The following ZDBF2 variants were observed in gnomAD, a reference collection of about 807,000 sequenced individuals.
The protein encoded by ZDBF2 is DBF4-type zinc finger-containing protein 2.
In ZDBF2, 6 loss-of-function variants were observed where a neutral mutation model predicts 9.4. The observed-to-expected ratio is 0.64, with a 90% confidence interval of 0.35 to 1.27. The LOEUF (loss-of-function observed/expected upper bound fraction) is 1.27, where lower values mean the gene tolerates loss of function less well. Among genes scored for constraint, ZDBF2 ranks in the 50% most tolerant of loss-of-function variants. The pLI is 0.03. For synonymous variants in ZDBF2, 905 were observed against 946.3 expected, an observed-to-expected ratio of 0.96 and a Z score of 0.80; for missense variants, 2,697 against 2,766.8, an observed-to-expected ratio of 0.97 and a Z score of 0.57.
chr2:206,306,065 G>T lies in ZDBF2; in HGVS notation c.1537G>T (p.Val513Leu). Residue 513 changes from valine to leucine, a missense_variant, in exon 5 of 5, where the codon GTA becomes TTA. Val to Leu is a conservative substitution (Grantham distance 32). Transcript: ENST00000374423. ...QSTSDYPQQS[V>L]TEVNLPKEVH... ...CACTAGTGACTACCCCCAACAATCT[G>T]TAACAGAAGTAAACCTTCCTAAGGA... 2 of 1,613,768 alleles carry T rather than the reference G, an allele frequency of 1.2e-6. No homozygotes were observed. The highest frequency in any genetic ancestry group is 2.2e-5 in the South Asian group (2 of 91,066).
chr2:206,308,604 G>A lies in ZDBF2; in HGVS notation c.4076G>A (p.Ser1359Asn), dbSNP rs754989430. 3 of 1,613,168 alleles carry A rather than the reference G, an allele frequency of 1.9e-6. No individual in the cohort carries two copies. The African/African-American group carries it at 4.0e-5, about 22-fold the overall frequency. Residue 1359 changes from serine to asparagine, a missense_variant, in exon 5 of 5, where the codon AGT becomes AAT. Ser to Asn is a conservative substitution (Grantham distance 46). This residue lies in a region of ZDBF2 where 1,783 missense variants were observed against 1,776.5 expected (regional missense o/e 1.00). Coordinates refer to ENST00000374423, the MANE Select transcript of ZDBF2 (RefSeq NM_020923.3). Reference protein sequence around the residue: ...EEHASLEDKSSNSYSPEESSD... With the variant: ...EEHASLEDKSNNSYSPEESSD... ...CATGCCAGTCTGGAAGATAAGAGCA[G>A]TAATTCTTATAGTCCTGAAGAAAGT...
In ZDBF2 at chr2:206,308,481, A is replaced by G; in HGVS notation, c.3953A>G (p.Asp1318Gly). The change falls in exon 5 of 5, where the codon GAT becomes GGT. Residue 1318 changes from aspartate (D) to glycine (G), a missense_variant. Around this residue, in one of 3 missense-constraint regions of ZDBF2, gnomAD observed 1,783 missense variants for 1,776.5 expected, o/e 1.00. Coordinates refer to ENST00000374423, the MANE Select transcript of ZDBF2 (RefSeq NM_020923.3). The part of the protein sequence containing the change: ...NLLREEHVCL[D>G]DKGYVPSDSE... ...TTGAGGGAGGAACATGTTTGTCTGG[A>G]TGATAAGGGCTATGTGCCCAGTGAT... 6.2e-7 allele frequency: 1 copy of G among 1,613,644 alleles called. No homozygotes were observed. The highest frequency in any genetic ancestry group is 8.5e-7 in the Non-Finnish European group (1 of 1,179,804).
intron 3 of ZDBF2, among the ~76,000 whole-genome samples, chr2:206,284,751 T>A (rs1012284435): frequency 8.5e-5 from 13 of 152,182 alleles, no homozygotes; most frequent in Non-Finnish European, 1.6e-4. Flanking sequence ...GTGTGTGAGA[T>A]GGAGTCTTGC....
chr2:206,279,376 C>T (rs2105894834), intron 1 of ZDBF2, among the ~76,000 whole-genome samples, 164 bp from the exon 2 acceptor site: 1 of 152,260 alleles, frequency 6.6e-6, no homozygotes, highest in Middle Eastern at 3.4e-3. Context: ...GTGTGAGATT[C>T]AGTGAGTCAT....
At chr2:206,301,988 G>A (rs1692529074) in intron 4 of ZDBF2, among the ~76,000 whole-genome samples, 1 of 150,762 alleles carries the variant, frequency 6.6e-6, no homozygotes, top group African/African-American at 2.4e-5. Context: ...TAGCTCAAGA[G>A]TTTTTCTTTT....
chr2:206,277,474 A>AT (rs1691079036), intron 1 of ZDBF2, among the ~76,000 whole-genome samples: 1 of 152,072 alleles, frequency 6.6e-6, no homozygotes, highest in African/African-American at 2.4e-5. Flanking sequence ...GAACATAGTC[A>AT]TTTTTTAAAA....
chr2:206,299,846 G>T (rs1469249095), intron 4 of ZDBF2, among the ~76,000 whole-genome samples: 1 of 151,384 alleles, frequency 6.6e-6, no homozygotes, highest in African/African-American at 2.4e-5. Context: ...AGTGGCTCAC[G>T]CCTGTAATCC....
At chr2:206,276,567 C>G (rs972387151) in intron 1 of ZDBF2, among the ~76,000 whole-genome samples, 12 of 152,136 alleles carry the variant, frequency 7.9e-5, no homozygotes, top group African/African-American at 2.7e-4. Flanking sequence ...CCTAAAAATA[C>G]AGAGAGGAAG....
At position 206,307,181 on chromosome 2, in the gene ZDBF2, A is replaced by G; in HGVS notation, c.2653A>G (p.Asn885Asp). 1 of 1,613,336 alleles carries G rather than the reference A, an allele frequency of 6.2e-7. No homozygotes were observed. The stretch of plus-strand genomic sequence containing the variant: ...CCATGCCCCTCTTCATTCAGTGACT[A>G]ATTCTCCCGAAGTAGCTGTTAAAAA... ...DSHAPLHSVT[N>D]SPEVAVKKLN... Residue 885 changes from asparagine (N) to aspartate (D), a missense_variant, in exon 5 of 5, where the codon AAT (asparagine) becomes GAT (aspartate). Coordinates refer to ENST00000374423, the MANE Select transcript of ZDBF2 (RefSeq NM_020923.3).
At position 206,311,514 on chromosome 2, in the gene ZDBF2, G is replaced by T; in HGVS notation, c.6986G>T (p.Arg2329Ile). ...ACACCTGTGAGAGCATATGATCTGAGAAGCTCATCTTGTTTACAACAACGT... is the reference window on the plus strand; with the variant it reads ...ACACCTGTGAGAGCATATGATCTGATAAGCTCATCTTGTTTACAACAACGT... ...PSTPVRAYDL[R>I]SSSCLQQRER... The change falls in exon 5 of 5, where the codon AGA becomes ATA. Residue 2329 changes from arginine (R) to isoleucine (I), a missense_variant. Physicochemically the swap from Arg to Ile is moderately conservative, Grantham distance 97. Around this residue, in one of 3 missense-constraint regions of ZDBF2, gnomAD observed 1,783 missense variants for 1,776.5 expected, o/e 1.00. Coordinates refer to ENST00000374423, the MANE Select transcript of ZDBF2 (RefSeq NM_020923.3). The T allele has an allele frequency of 1.3e-6, 2 of 1,580,102 alleles. No individual in the cohort carries two copies. The highest frequency in any genetic ancestry group is 1.7e-6 in the Non-Finnish European group (2 of 1,167,464).
chr2:206,305,779 G>T lies in ZDBF2; in HGVS notation c.1251G>T (p.Leu417=). Residue 417 remains leucine (L), a synonymous_variant, in exon 5 of 5, where the codon CTG becomes CTT. Coordinates refer to ENST00000374423, the MANE Select transcript of ZDBF2 (RefSeq NM_020923.3). ...SFDCSSSFHS[L]TDQSKVSAKE... is the part of the protein sequence containing the mutation. Reference sequence around the variant, plus strand: ...ATTGCAGTTCCTCTTTTCATTCACTGACTGACCAATCTAAAGTGAGTGCCA... The same window carrying T: ...ATTGCAGTTCCTCTTTTCATTCACTTACTGACCAATCTAAAGTGAGTGCCA... 6.2e-7 allele frequency: 1 copy of T among 1,613,680 alleles called. No individual in the cohort carries two copies. The highest frequency in any genetic ancestry group is 8.5e-7 in the Non-Finnish European group (1 of 1,179,810).
At position 206,305,254 on chromosome 2, in the gene ZDBF2, C is replaced by G. The variant is rs781570927; in HGVS notation, c.726C>G (p.Ser242=). ...DGASRNPVPS[S]HVETTSFSYQ... is the part of the protein sequence containing the mutation. ...CCTCTAGAAATCCTGTGCCATCATC[C>G]CATGTAGAAACTACTTCATTTTCGT... Residue 242 remains serine, a synonymous_variant, in exon 5 of 5, where the codon TCC becomes TCG. Coordinates refer to ENST00000374423, the MANE Select transcript of ZDBF2 (RefSeq NM_020923.3). 4.3e-6 allele frequency: 7 copies of G among 1,613,496 alleles called. No homozygotes were observed. The highest frequency in any genetic ancestry group is 2.2e-5 in the South Asian group (2 of 91,036).
chr2:206,281,433 G>A (rs1360919257), intron 2 of ZDBF2, among the ~76,000 whole-genome samples: 1 of 152,004 alleles, frequency 6.6e-6, no homozygotes, highest in Non-Finnish European at 1.5e-5. Context: ...AACATGATGG[G>A]GAAATTAATG....
intron 4 of ZDBF2, among the ~76,000 whole-genome samples, chr2:206,298,438 A>G (rs1692315530): frequency 6.6e-6 from 1 of 152,266 alleles, no homozygotes; most frequent in African/African-American, 2.4e-5. Context: ...GGGAAAAGTT[A>G]GAGGAAAACA....
rs1693153426 is a variant in ZDBF2 at position 206,311,058 on chromosome 2, A to G, written c.6530A>G (p.His2177Arg). ...GAAAGTCAAAGTAAAAAGAAAATTC[A>G]TGGAAAGAGGGTGACAACTAGTAGT... Reference protein sequence around the residue: ...LLESQSKKKIHGKRVTTSSNK... With the variant: ...LLESQSKKKIRGKRVTTSSNK... The change falls in exon 5 of 5, where the codon CAT becomes CGT. Residue 2177 changes from histidine (H) to arginine (R), a missense_variant. Transcript: ENST00000374423. 4 of 1,610,576 alleles carry G rather than the reference A, an allele frequency of 2.5e-6. No individual in the cohort carries two copies. Among genetic ancestry groups the G allele is most frequent in the African/African-American group, 2.7e-5 (2 of 74,694 alleles).
rs58488107 is a variant in ZDBF2 at position 206,305,473 on chromosome 2, G to T, written c.945G>T (p.Met315Ile). The T allele has an allele frequency of 2.1e-3, 3,331 of 1,612,936 alleles. 59 individuals are homozygous for T. The African/African-American group carries it at 0.039, about 19-fold the overall frequency. The change falls in exon 5 of 5, where the codon ATG (methionine) becomes ATT (isoleucine). Residue 315 changes from methionine to isoleucine, a missense_variant. Transcript: ENST00000374423. ...CAGTAAACCCGAATAAAACTGACAT[G>T]CCTTCTAATAAAGGAATCTTTGAAG... ...KLAVNPNKTD[M>I]PSNKGIFEDT...
chr2:206,281,929 A>G lies in ZDBF2; in HGVS notation c.60+20A>G. On this transcript the variant is annotated intron_variant, in intron 3 of 4. Coordinates refer to ENST00000374423, the MANE Select transcript of ZDBF2 (RefSeq NM_020923.3). ...GAACAGGTGAGCGGTTTCTATTAATATGATAATATCTCAAAGGACCTAGTT... is the reference window on the plus strand; with the variant it reads ...GAACAGGTGAGCGGTTTCTATTAATGTGATAATATCTCAAAGGACCTAGTT... The G allele has an allele frequency of 6.2e-7, 1 of 1,603,938 alleles. No individual in the cohort carries two copies. The highest frequency in any genetic ancestry group is 8.5e-7 in the Non-Finnish European group (1 of 1,174,456).
chr2:206,305,103 C>A lies in ZDBF2; in HGVS notation c.575C>A (p.Pro192His). 6.2e-7 allele frequency: 1 copy of A among 1,613,696 alleles called. No homozygotes were observed. The highest frequency in any genetic ancestry group is 8.5e-7 in the Non-Finnish European group (1 of 1,179,778). Residue 192 changes from proline to histidine, a missense_variant, in exon 5 of 5, where the codon CCT becomes CAT. Pro to His is a moderately conservative substitution (Grantham distance 77, BLOSUM62 -2). Around this residue, in one of 3 missense-constraint regions of ZDBF2, gnomAD observed 910 missense variants for 973.6 expected, o/e 0.93. Transcript: ENST00000374423. ...VICNAPASCL[P>H]ESSNDRPVTA... is the part of the protein sequence containing the mutation. ...TGTAATGCTCCTGCTAGTTGTTTACCTGAAAGCTCTAACGATAGACCAGTT... is the reference window on the plus strand; with the variant it reads ...TGTAATGCTCCTGCTAGTTGTTTACATGAAAGCTCTAACGATAGACCAGTT...
chr2:206,310,296 CAG>C lies in ZDBF2; in HGVS notation c.5773_5774del (p.Arg1925AlafsTer3). 6 of 1,613,930 alleles carry C rather than the reference CAG, an allele frequency of 3.7e-6. No individual in the cohort carries two copies. Among genetic ancestry groups the C allele is most frequent in the Non-Finnish European group, 4.2e-6 (5 of 1,179,888 alleles). On this transcript the variant is annotated frameshift_variant, in exon 5 of 5. Transcript: ENST00000374423. LOFTEE classifies it low-confidence loss of function (END_TRUNC). Reference sequence around the variant, plus strand: ...AAACCATGCCATCGTCATCCTCCAGCAGAGAGGCCTCCTAAGCAAAAGGGGCG... The same window carrying C: ...AAACCATGCCATCGTCATCCTCCAGCAGAGGCCTCCTAAGCAAAAGGGGCG...
Sources: allele counts gnomAD v4.1 joint callset (sites outside exome capture counted in the v4.1 genomes callset), GRCh38; gene constraint gnomAD v4.1.1; regional missense constraint gnomAD v4.1.1; transcripts MANE v1.5; gene names NCBI Gene and HGNC (gene_info 2026-07-23, HGNC 2026-07-21).